The following NLGN4Y variants were observed in gnomAD, a reference collection of about 807,000 sequenced individuals.
NLGN4Y encodes the protein neuroligin 4 Y-linked.
A neutral mutation model predicts 8.4 loss-of-function variants in NLGN4Y; 4 were observed. The observed-to-expected ratio is 0.48, with a 90% CI of 0.23 to 1.09. NLGN4Y has a LOEUF of 1.09. Among genes scored for constraint, NLGN4Y ranks in the 50% least tolerant of loss-of-function variants. The pLI is 0.19. For missense variants in NLGN4Y, 90 were observed against 192.3 expected (o/e 0.47, Z 3.15); for synonymous variants, 35 against 75.6 (o/e 0.46, Z 2.78).
intron 1 of NLGN4Y, among the ~76,000 whole-genome samples, chrY:14,607,766 T>C: frequency 1.7e-4 from 6 of 34,331 alleles, no homozygotes; most frequent in African/African-American, 6.8e-4. Flanking sequence ...AGTTAAATGG[T>C]ATTTCCAGTT....
At chrY:14,703,901 A>C in intron 2 of NLGN4Y, among the ~76,000 whole-genome samples, 1 of 32,650 alleles carries the variant, frequency 3.1e-5, no homozygotes, top group East Asian at 8.1e-4. Context: ...TTGGATTCCT[A>C]GGTATTTTAT....
chrY:14,635,560 T>G, intron 2 of NLGN4Y, among the ~76,000 whole-genome samples: 1 of 27,940 alleles, frequency 3.6e-5, no homozygotes, highest in Admixed American at 3.3e-4. Context: ...TCTTTTTTTT[T>G]GTTTTATTTA....
At chrY:14,626,304 A>T in intron 2 of NLGN4Y, among the ~76,000 whole-genome samples, 1 of 32,817 alleles carries the variant, frequency 3.0e-5, no homozygotes, top group Non-Finnish European at 7.5e-5. Context: ...TGAGTGTTAC[A>T]GCTCTTAGAG....
chrY:14,804,850 A>G, intron 4 of NLGN4Y, among the ~76,000 whole-genome samples: 1 of 33,540 alleles, frequency 3.0e-5, no homozygotes, highest in Non-Finnish European at 7.4e-5. Context: ...TTCCGCTCCT[A>G]TGAGAATATA....
At chrY:14,608,907 C>T (rs2150501581) in intron 1 of NLGN4Y, among the ~76,000 whole-genome samples, 1 of 32,731 alleles carries the variant, frequency 3.1e-5, no homozygotes, top group East Asian at 8.0e-4. Context: ...GTTTGTAGTT[C>T]TCTTTGAAGA....
chrY:14,840,561 G>C lies in NLGN4Y; in HGVS notation c.1810G>C (p.Ala604Pro), dbSNP rs1220675436. ...ACCCAGAGTGAGAGATCACTACCGG[G>C]CAACGAAAGTGGCTTTCTGGTTGGA... ...LKPRVRDHYRATKVAFWLELV... is the reference protein window; with the variant it reads ...LKPRVRDHYRPTKVAFWLELV... The change falls in exon 7 of 7, where the codon GCA (alanine) becomes CCA (proline). Residue 604 changes from alanine (A) to proline (P), a missense_variant. Physicochemically the swap from Ala to Pro is conservative, Grantham distance 27 (BLOSUM62 -1). Around this residue, in one of 4 missense-constraint regions of NLGN4Y, gnomAD observed 37 missense variants for 94.0 expected, o/e 0.39. Coordinates refer to ENST00000684976, the MANE Select transcript of NLGN4Y (RefSeq NM_001365588.1). The C allele has an allele frequency of 2.5e-6, 1 of 398,839 alleles. No individual in the cohort carries two copies. The highest frequency in any genetic ancestry group is 7.4e-5 in the Admixed American group (1 of 13,520).
chrY:14,815,867 C>T, intron 4 of NLGN4Y, among the ~76,000 whole-genome samples: 1 of 33,715 alleles, frequency 3.0e-5, no homozygotes, highest in East Asian at 7.9e-4. Flanking sequence ...TCAGCACAGA[C>T]CAACAAGTAT....
intron 1 of NLGN4Y, among the ~76,000 whole-genome samples, chrY:14,597,263 G>A (rs1033748354): frequency 6.1e-5 from 2 of 32,861 alleles, no homozygotes; most frequent in African/African-American, 1.2e-4. Context: ...CAAAAGCAGC[G>A]TGGACCCAAA....
chrY:14,555,342 CTTTG>C (rs2080207474), intron 1 of NLGN4Y, among the ~76,000 whole-genome samples: 1 of 33,100 alleles, frequency 3.0e-5, no homozygotes, highest in Non-Finnish European at 7.4e-5. Context: ...GGACACACAT[CTTTG>C]TTTGTTGATA....
chrY:14,724,800 C>T (rs964991158), intron 4 of NLGN4Y, among the ~76,000 whole-genome samples: 9 of 31,787 alleles, frequency 2.8e-4, no homozygotes, highest in Non-Finnish European at 6.8e-4. Flanking sequence ...CGACCATGCC[C>T]AGCTAACTTT....
intron 4 of NLGN4Y, among the ~76,000 whole-genome samples, chrY:14,785,537 A>G (rs2042959602): frequency 3.0e-5 from 1 of 33,848 alleles, no homozygotes; most frequent in Non-Finnish European, 7.4e-5. Context: ...AGGCCAAGCG[A>G]GCGAATCACG....
At chrY:14,593,446 C>G in intron 1 of NLGN4Y, among the ~76,000 whole-genome samples, 1 of 33,372 alleles carries the variant, frequency 3.0e-5, no homozygotes, top group Non-Finnish European at 7.4e-5. Context: ...GTTTTCAATA[C>G]CCATATGAAA....
intron 4 of NLGN4Y, among the ~76,000 whole-genome samples, chrY:14,772,852 C>A: frequency 3.1e-5 from 1 of 32,636 alleles, no homozygotes; most frequent in African/African-American, 1.2e-4. Context: ...AAAAGGCCTT[C>A]GGTAAAAATT....
chrY:14,584,964 A>T, intron 1 of NLGN4Y, among the ~76,000 whole-genome samples: 1 of 32,871 alleles, frequency 3.0e-5, no homozygotes, highest in Non-Finnish European at 7.4e-5. Flanking sequence ...AAAAAAAAAT[A>T]AAAGATATAT....
intron 5 of NLGN4Y, among the ~76,000 whole-genome samples, 169 bp from the exon 6 acceptor site, chrY:14,829,561 G>A: frequency 3.0e-5 from 1 of 32,951 alleles, no homozygotes; most frequent in African/African-American, 1.2e-4. Flanking sequence ...GAATGTTCAG[G>A]GGGAGGGAAT....
At chrY:14,659,662 T>C in intron 2 of NLGN4Y, among the ~76,000 whole-genome samples, 2 of 33,453 alleles carry the variant, frequency 6.0e-5, no homozygotes, top group African/African-American at 2.3e-4. Flanking sequence ...AAAAATCCAG[T>C]CTGCTGCATA....
chrY:14,795,463 A>G (rs2043003083), intron 4 of NLGN4Y, among the ~76,000 whole-genome samples: 1 of 33,087 alleles, frequency 3.0e-5, no homozygotes. Flanking sequence ...TCATTTTTGT[A>G]TCTCTGTACT....
intron 2 of NLGN4Y, among the ~76,000 whole-genome samples, chrY:14,647,500 T>C (rs377023548): frequency 1.1e-3 from 36 of 33,871 alleles, no homozygotes; most frequent in African/African-American, 3.7e-3. Flanking sequence ...TCCATAGTTA[T>C]ATTTAAAAAT....
At chrY:14,602,635 T>G in intron 1 of NLGN4Y, among the ~76,000 whole-genome samples, 1 of 34,033 alleles carries the variant, frequency 2.9e-5, no homozygotes, top group African/African-American at 1.2e-4. Context: ...TATCTGTATT[T>G]TATTCATTTT....
Sources: gnomAD v4.1 joint callset for allele counts (sites outside exome capture counted in the v4.1 genomes callset) on GRCh38, gnomAD v4.1.1 for gene constraint, gnomAD v4.1.1 regional missense constraint, MANE v1.5 for transcripts, NCBI Gene and HGNC (gene_info 2026-07-23, HGNC 2026-07-21) for gene names.